CASTOR2: variants seen among roughly 807,000 people sequenced by gnomAD.
The protein encoded by CASTOR2 is GATS protein like 2.
In CASTOR2, 8 loss-of-function variants were observed where a neutral mutation model predicts 31.2. The observed-to-expected ratio is 0.26, with a 90% confidence interval of 0.15 to 0.46. The LOEUF is 0.46. Among genes scored for constraint, CASTOR2 ranks in the 20% least tolerant of loss-of-function variants. CASTOR2 has a pLI of 0.99. For synonymous variants in CASTOR2, 162 were observed against 158.7 expected, an observed-to-expected ratio of 1.02 and a Z score of -0.16; for missense variants, 216 against 382.1, an observed-to-expected ratio of 0.57 and a Z score of 3.62.
intron 1 of CASTOR2, among the ~76,000 whole-genome samples, chr7:75,002,972 C>T (rs1287543210): frequency 9.2e-5 from 14 of 152,038 alleles, no homozygotes; most frequent in African/African-American, 2.7e-4. Flanking sequence ...CCTGTAATCC[C>T]GGGTACTTGG....
At chr7:75,003,699 G>A (rs1223398142) in intron 1 of CASTOR2, among the ~76,000 whole-genome samples, 2 of 149,796 alleles carry the variant, frequency 1.3e-5, no homozygotes, top group African/African-American at 4.9e-5. Context: ...GCAGTGAGCC[G>A]AGATTGCGCC....
chr7:74,982,109 ACTT>A lies in CASTOR2; in HGVS notation c.113+17018_113+17020del, dbSNP rs1467889428. On this transcript the variant is annotated intron_variant, in intron 1 of 8. Coordinates refer to ENST00000616305, the MANE Select transcript of CASTOR2 (RefSeq NM_001145064.3). Reference sequence around the variant, plus strand: ...AGTGGGAAGAAGCGTACCCCACCACACTTCTTCTTTGGGGTTAGAATTTTGGGC... The same window carrying A: ...AGTGGGAAGAAGCGTACCCCACCACACTTCTTTGGGGTTAGAATTTTGGGC... Among the ~76,000 whole-genome samples the A allele has an allele frequency of 9.0e-5, 13 of 143,884 alleles. No individual in the cohort carries two copies. In the East Asian group the frequency reaches 1.0e-3, roughly 11 times the overall value. 94.4% of individuals were successfully genotyped at this position (143,884 alleles called of 152,430 possible).
At chr7:74,987,317 A>T (rs1389437921) in intron 1 of CASTOR2, among the ~76,000 whole-genome samples, 2 of 151,690 alleles carry the variant, frequency 1.3e-5, no homozygotes, top group South Asian at 4.2e-4. Flanking sequence ...AGGCAGGAGA[A>T]TTGCTTCAAC....
intron 1 of CASTOR2, among the ~76,000 whole-genome samples, chr7:74,975,223 C>G (rs1803774098): frequency 6.6e-6 from 1 of 151,508 alleles, no homozygotes; most frequent in Admixed American, 6.6e-5. Flanking sequence ...CCGCCTTGGC[C>G]TCCCAACGTG....
In CASTOR2 at chr7:75,028,088, G is replaced by A; in HGVS notation, c.*3389G>A. The A allele has an allele frequency of 6.5e-7, 1 of 1,530,058 alleles. No homozygotes were observed. 94.8% of individuals were successfully genotyped at this position (1,530,058 alleles called of 1,614,324 possible). On this transcript the variant is annotated 3_prime_UTR_variant, in exon 9 of 9. Coordinates refer to ENST00000616305, the MANE Select transcript of CASTOR2 (RefSeq NM_001145064.3). Reference sequence around the variant, plus strand: ...GCGGATGGGGCAGGTGCCTGGCGGGGGAGGAAGAGGGCTCTCTATGATGTG... The same window carrying A: ...GCGGATGGGGCAGGTGCCTGGCGGGAGAGGAAGAGGGCTCTCTATGATGTG...
At position 75,024,785 on chromosome 7, in the gene CASTOR2, GA is replaced by G; in HGVS notation, c.*90del. The G allele has an allele frequency of 1.9e-6, 3 of 1,550,920 alleles. No homozygotes were observed. The highest frequency in any genetic ancestry group is 2.6e-6 in the Non-Finnish European group (3 of 1,146,794). ...TCTTGCAGTATTTCTCTACAGACTG[GA>G]AAATCAGCCTGGGGACCCTGAGGAA... is the stretch of plus-strand genomic sequence containing the variant. On this transcript the variant is annotated 3_prime_UTR_variant, in exon 9 of 9. Transcript: ENST00000616305.
At chr7:74,972,613 C>G (rs1281947352) in intron 1 of CASTOR2, among the ~76,000 whole-genome samples, 1 of 149,756 alleles carries the variant, frequency 6.7e-6, no homozygotes. Flanking sequence ...CTGGGTCATT[C>G]GTGTTCCTAC....
chr7:74,989,414 G>A (rs1282876720), intron 1 of CASTOR2, among the ~76,000 whole-genome samples: 2 of 151,420 alleles, frequency 1.3e-5, no homozygotes, highest in Admixed American at 6.6e-5. Flanking sequence ...ATGCCACCAT[G>A]CCTGGGTAAT....
In CASTOR2 at chr7:75,026,470, G is replaced by C. The variant is rs917308048; in HGVS notation, c.*1771G>C. Among the ~76,000 whole-genome samples, 1 of 152,074 alleles carries C rather than the reference G, an allele frequency of 6.6e-6. No individual in the cohort carries two copies. Among genetic ancestry groups the C allele is most frequent in the Non-Finnish European group, 1.5e-5 (1 of 68,012 alleles). ...CTCCCAAAATGCCGGGATTACAGGCGTGAGCCACCACACCCAGCCGAGTTG... is the reference window on the plus strand; with the variant it reads ...CTCCCAAAATGCCGGGATTACAGGCCTGAGCCACCACACCCAGCCGAGTTG... On this transcript the variant is annotated 3_prime_UTR_variant, in exon 9 of 9. Coordinates refer to ENST00000616305, the MANE Select transcript of CASTOR2 (RefSeq NM_001145064.3).
In CASTOR2 at chr7:75,018,117, A is replaced by G; in HGVS notation, c.506A>G (p.Lys169Arg). Residue 169 changes from lysine to arginine, a missense_variant, in exon 4 of 9, where the codon AAG (lysine) becomes AGG (arginine). Physicochemically the swap from Lys to Arg is conservative, Grantham distance 26 (BLOSUM62 2). Around this residue, in one of 5 missense-constraint regions of CASTOR2, gnomAD observed 114 missense variants for 194.2 expected, o/e 0.59. Transcript: ENST00000616305. The stretch of plus-strand genomic sequence containing the variant: ...ATCACCAATGGCTTCGTGAAGCCCA[A>G]GCTGGGTGAGCTGGGGGCGGGGGTT... Reference protein sequence around the residue: ...LGITNGFVKPKLVQRPVIHPL... With the variant: ...LGITNGFVKPRLVQRPVIHPL... 1.2e-6 allele frequency: 2 copies of G among 1,614,028 alleles called. No homozygotes were observed. Among genetic ancestry groups the G allele is most frequent in the Non-Finnish European group, 1.7e-6 (2 of 1,179,890 alleles).
intron 1 of CASTOR2, among the ~76,000 whole-genome samples, chr7:75,005,728 A>G (rs1804593324): frequency 6.6e-6 from 1 of 152,218 alleles, no homozygotes. Flanking sequence ...AGTGGCTTAC[A>G]AATGTAATCC....
In CASTOR2 at chr7:74,999,203, G is replaced by C. The variant is rs1369472652; in HGVS notation, c.114-8791G>C. ...TTTTTATTTTTTTTAGTAGAGACAG[G>C]GTTTAACCGTGTTAGCCAGGATGGT... On this transcript the variant is annotated intron_variant, in intron 1 of 8. Transcript: ENST00000616305. Among the ~76,000 whole-genome samples, 17 of 151,294 alleles carry C rather than the reference G, an allele frequency of 1.1e-4. No homozygotes were observed. In the East Asian group the frequency reaches 3.3e-3, roughly 29 times the overall value.
chr7:75,021,708 C>T (rs996072988), intron 6 of CASTOR2, among the ~76,000 whole-genome samples, 166 bp from the exon 7 acceptor site: 6 of 152,120 alleles, frequency 3.9e-5, no homozygotes, highest in East Asian at 3.9e-4. Context: ...GGCCGCCGGG[C>T]GAATGGGTCC....
intron 1 of CASTOR2, among the ~76,000 whole-genome samples, chr7:75,006,640 C>T (rs1307047764): frequency 6.6e-6 from 1 of 152,114 alleles, no homozygotes; most frequent in Non-Finnish European, 1.5e-5. Flanking sequence ...TTGTAATAAT[C>T]CCCACGTGTC....
chr7:74,987,685 G>A (rs1208912844), intron 1 of CASTOR2, among the ~76,000 whole-genome samples: 1 of 152,192 alleles, frequency 6.6e-6, no homozygotes, highest in Non-Finnish European at 1.5e-5. Flanking sequence ...ACTGAGCAGT[G>A]AGAAGGTTCT....
At chr7:75,008,148 GC>G in intron 2 of CASTOR2, 84 bp downstream of exon 2, 1 of 1,447,970 alleles carries the variant, frequency 6.9e-7, no homozygotes, top group Non-Finnish European at 9.4e-7. Flanking sequence ...TCTGTCCCCC[GC>G]CCACCTCCTT....
At chr7:75,023,033 G>C (rs1309995888) in intron 7 of CASTOR2, among the ~76,000 whole-genome samples, 1 of 152,120 alleles carries the variant, frequency 6.6e-6, no homozygotes, top group Non-Finnish European at 1.5e-5. Context: ...GAAGCACCGG[G>C]CAAGGTGGCT....
intron 7 of CASTOR2, 94 bp downstream of exon 7, chr7:75,022,050 G>C: frequency 6.9e-7 from 1 of 1,440,700 alleles, no homozygotes; most frequent in Non-Finnish European, 9.6e-7. Context: ...CCCCTGCTGG[G>C]GGGTACAGAT....
intron 1 of CASTOR2, among the ~76,000 whole-genome samples, chr7:75,000,882 C>G (rs1231823978): frequency 7.9e-5 from 12 of 152,000 alleles, no homozygotes; most frequent in African/African-American, 2.4e-4. Context: ...AGGCTGGTCT[C>G]GAACTCCTGA....
Sources: allele counts gnomAD v4.1 joint callset (sites outside exome capture counted in the v4.1 genomes callset), GRCh38; gene constraint gnomAD v4.1.1; regional missense constraint gnomAD v4.1.1; transcripts MANE v1.5; gene names NCBI Gene and HGNC (gene_info 2026-07-23, HGNC 2026-07-21).